The following STK32C variants were observed in gnomAD, a reference collection of about 807,000 sequenced individuals.
STK32C encodes the protein serine/threonine kinase 32C.
A neutral mutation model predicts 56.5 loss-of-function variants in STK32C; 31 were observed. The observed-to-expected ratio is 0.55, with a 90% CI of 0.41 to 0.74. STK32C has a LOEUF of 0.74. Among genes scored for constraint, STK32C ranks in the 30% least tolerant of loss-of-function variants. The probability of loss-of-function intolerance (pLI) is 0.00; values close to 1 mark genes in which losing one functional copy is unlikely to be tolerated. For synonymous variants in STK32C, 309 were observed against 289.4 expected, an observed-to-expected ratio of 1.07 and a Z score of -0.69; for missense variants, 544 against 676.9, an observed-to-expected ratio of 0.80 and a Z score of 2.18.
At chr10:132,241,202 C>A (rs1478864636) in intron 2 of STK32C, among the ~76,000 whole-genome samples, 1 of 152,218 alleles carries the variant, frequency 6.6e-6, no homozygotes, top group African/African-American at 2.4e-5. Context: ...AAGAGCCACA[C>A]GCCCAGCCCA....
In STK32C at chr10:132,255,582, G is replaced by A. The variant is rs1264640158; in HGVS notation, c.263-9627C>T. ...TTACAGCGGAGAACATAGAGCAGAA[G>A]CGTCCAGCCACAGCAGCACCCAGGA... On this transcript the variant is annotated intron_variant, in intron 1 of 11. Transcript: ENST00000298630. The surrounding 1 kb of genome is among the most constrained non-coding windows in gnomAD (Gnocchi z 4.6). Among the ~76,000 whole-genome samples, 1 of 152,230 alleles carries A rather than the reference G, an allele frequency of 6.6e-6. No homozygotes were observed. Among genetic ancestry groups the A allele is most frequent in the Non-Finnish European group, 1.5e-5 (1 of 68,028 alleles).
At chr10:132,249,028 A>G in intron 1 of STK32C, 1 of 471,842 alleles carries the variant, frequency 2.1e-6, no homozygotes, top group East Asian at 6.5e-5. Context: ...CGCCCTGCAC[A>G]CCTGCAAAGC....
exon 1 of STK32C, chr10:132,331,688 C>G (rs1395351879): frequency 6.2e-7 from 1 of 1,612,768 alleles, no homozygotes; most frequent in Non-Finnish European, 8.5e-7. Flanking sequence ...TGTCCTCGAG[C>G]AGCCCCGCCC....
intron 2 of STK32C, among the ~76,000 whole-genome samples, chr10:132,230,195 C>G (rs921722545): frequency 6.6e-6 from 1 of 152,232 alleles, no homozygotes; most frequent in Non-Finnish European, 1.5e-5. Flanking sequence ...TTTCCTATGA[C>G]CATTTTTTAA....
intron 1 of STK32C, among the ~76,000 whole-genome samples, chr10:132,267,444 C>A (rs369685483): frequency 6.6e-6 from 1 of 152,158 alleles, no homozygotes; most frequent in Non-Finnish European, 1.5e-5. Context: ...TGTGTCAGTG[C>A]GTGTGCATGC....
exon 2 of STK32C, chr10:132,324,363 T>C (rs2066459599): frequency 1.3e-6 from 1 of 778,584 alleles, no homozygotes; most frequent in Non-Finnish European, 2.4e-6. Flanking sequence ...TGGGGTGTGC[T>C]CTCAGAAGAC....
chr10:132,295,329 C>G (rs764376866), intron 1 of STK32C, among the ~76,000 whole-genome samples: 12 of 152,128 alleles, frequency 7.9e-5, no homozygotes, highest in African/African-American at 2.9e-4. Context: ...AGGAAACACA[C>G]GGGGTGAGCC....
chr10:132,293,547 C>T (rs896296579), intron 1 of STK32C, among the ~76,000 whole-genome samples: 12 of 152,138 alleles, frequency 7.9e-5, no homozygotes, highest in African/African-American at 2.9e-4. Flanking sequence ...TACTGCAGAG[C>T]GTCTGCCACC....
chr10:132,256,317 C>T (rs1388367184), intron 1 of STK32C, among the ~76,000 whole-genome samples: 1 of 152,132 alleles, frequency 6.6e-6, no homozygotes, highest in African/African-American at 2.4e-5. Context: ...TTGCCATCTC[C>T]CTCCCCCACC....
rs1199406124 is a variant in STK32C, at chr10:132,318,580, A to C, written c.301+12856T>G. Among the ~76,000 whole-genome samples, 5 of 151,812 alleles carry C rather than the reference A, an allele frequency of 3.3e-5. No individual in the cohort carries two copies. In the East Asian group the frequency reaches 7.7e-4, roughly 23 times the overall value. The stretch of plus-strand genomic sequence containing the variant: ...CAGTGAGCTGAGATTGCGCCACTGC[A>C]CTCTAGCCTGGGCAACAGAGTGAGA... On this transcript the variant is annotated intron_variant, in intron 1 of 3. Transcript: ENST00000368620.
chr10:132,303,730 C>A (rs985142840), intron 1 of STK32C, among the ~76,000 whole-genome samples: 1 of 152,246 alleles, frequency 6.6e-6, no homozygotes, highest in African/African-American at 2.4e-5. Flanking sequence ...TGAGTGCCAT[C>A]TTTTAATCTC....
In STK32C at chr10:132,207,737, C is replaced by A. The variant is rs772112784; in HGVS notation, c.*273G>T. The A allele has an allele frequency of 3.0e-5, 10 of 338,176 alleles. No individual in the cohort carries two copies. The highest frequency in any genetic ancestry group is 2.1e-4 in the African/African-American group (10 of 47,326). 20.9% of individuals were successfully genotyped at this position (338,176 alleles called of 1,614,324 possible). On this transcript the variant is annotated 3_prime_UTR_variant, in exon 12 of 12. Coordinates refer to ENST00000298630, the MANE Select transcript of STK32C (RefSeq NM_173575.4). ...TGTCCCATCCATGGCCCCAGCTCCCCGTGAGCGGTAAGAGGGCGCCCAGCA... is the reference window on the plus strand; with the variant it reads ...TGTCCCATCCATGGCCCCAGCTCCCAGTGAGCGGTAAGAGGGCGCCCAGCA...
chr10:132,265,526 T>C (rs2064489737), intron 1 of STK32C, among the ~76,000 whole-genome samples: 2 of 152,030 alleles, frequency 1.3e-5, no homozygotes, highest in East Asian at 1.9e-4. Context: ...GAGGACACGG[T>C]GCAGAGAGAC....
chr10:132,302,642 C>T (rs2065943734), intron 1 of STK32C, among the ~76,000 whole-genome samples: 1 of 150,992 alleles, frequency 6.6e-6, no homozygotes, highest in African/African-American at 2.5e-5. Flanking sequence ...ACACAGAGAG[C>T]CCCCACCCCT....
At chr10:132,216,467 CAAA>C (rs35942990) in intron 10 of STK32C, among the ~76,000 whole-genome samples, 10 of 121,374 alleles carry the variant, frequency 8.2e-5, no homozygotes, top group Middle Eastern at 4.5e-3. Context: ...AAGACTGTCT[CAAA>C]AAAAAAAAAA....
chr10:132,308,510 C>A (rs888911962), upstream of STK32C, among the ~76,000 whole-genome samples: 2 of 139,284 alleles, frequency 1.4e-5, no homozygotes, highest in South Asian at 5.1e-4. Context: ...GGGAATCTGC[C>A]GGGCAGAGCC....
intron 1 of STK32C, among the ~76,000 whole-genome samples, chr10:132,262,186 A>T (rs1446161749): frequency 1.3e-5 from 2 of 152,210 alleles, no homozygotes; most frequent in African/African-American, 4.8e-5. Flanking sequence ...AAAATCAAGC[A>T]ATGGGGAAAG....
intron 10 of STK32C, among the ~76,000 whole-genome samples, chr10:132,216,286 G>A (rs1464357723): frequency 6.6e-6 from 1 of 152,084 alleles, no homozygotes; most frequent in Non-Finnish European, 1.5e-5. Context: ...CCAACATGGT[G>A]AAACCCTTCT....
chr10:132,247,252 G>A (rs748668941), intron 1 of STK32C, among the ~76,000 whole-genome samples: 6 of 152,198 alleles, frequency 3.9e-5, no homozygotes, highest in Admixed American at 2.6e-4. Flanking sequence ...TGTGGAGGAG[G>A]AGACAGAACA....
Sources: gnomAD v4.1 joint callset for allele counts (sites outside exome capture counted in the v4.1 genomes callset) on GRCh38, gnomAD v4.1.1 for gene constraint, Gnocchi (gnomAD v3.1) non-coding constraint, MANE v1.5 for transcripts, NCBI Gene and HGNC (gene_info 2026-07-23, HGNC 2026-07-21) for gene names.